The following ARHGAP15 variants were observed in gnomAD, a reference collection of about 807,000 sequenced individuals.
The protein encoded by ARHGAP15 is Rho GTPase activating protein 15.
In ARHGAP15, 51 loss-of-function variants were observed where a neutral mutation model predicts 63.7. The observed-to-expected ratio is 0.80, with a 90% CI of 0.64 to 1.01. The LOEUF is 1.01. Ranked by LOEUF, ARHGAP15 falls within the 50% of genes least tolerant of loss-of-function variation. The probability of loss-of-function intolerance (pLI) is 0.00; values close to 1 mark genes in which losing one functional copy is unlikely to be tolerated. For missense variants in ARHGAP15, 560 were observed against 564.6 expected (o/e 0.99, Z 0.08); for synonymous variants, 191 against 193.8 (o/e 0.99, Z 0.12).
intron 6 of ARHGAP15, among the ~76,000 whole-genome samples, chr2:143,275,640 C>T (rs1377733100): frequency 6.6e-6 from 1 of 152,170 alleles, no homozygotes; most frequent in Admixed American, 6.5e-5. Flanking sequence ...AGGTTACCAA[C>T]CCCAGAGGGA....
chr2:143,138,305 G>T (rs181320336), intron 1 of ARHGAP15, among the ~76,000 whole-genome samples: 1 of 152,024 alleles, frequency 6.6e-6, no homozygotes, highest in Non-Finnish European at 1.5e-5. Flanking sequence ...AATTTACAAA[G>T]CTTCTCGGTA....
chr2:143,242,100 C>T (rs1169611986), intron 5 of ARHGAP15, among the ~76,000 whole-genome samples: 5 of 152,328 alleles, frequency 3.3e-5, no homozygotes, highest in South Asian at 4.1e-4. Context: ...CTGCTTCAGT[C>T]GGACCTGCCT....
chr2:143,285,076 T>C (rs887794122), intron 6 of ARHGAP15, among the ~76,000 whole-genome samples: 8 of 152,196 alleles, frequency 5.3e-5, no homozygotes, highest in South Asian at 2.1e-4. Flanking sequence ...AAGCAATCTT[T>C]GTGACAAGAT....
At chr2:143,179,348 T>C (rs921610665) in intron 2 of ARHGAP15, among the ~76,000 whole-genome samples, 13 of 152,298 alleles carry the variant, frequency 8.5e-5, no homozygotes, top group African/African-American at 2.6e-4. Flanking sequence ...ATATCCACCT[T>C]ATATCCTGCC....
At chr2:143,229,609 C>T (rs914572256) in intron 5 of ARHGAP15, among the ~76,000 whole-genome samples, 6 of 152,120 alleles carry the variant, frequency 3.9e-5, no homozygotes, top group Non-Finnish European at 8.8e-5. Context: ...AACTAACCTG[C>T]CACAGCCCAT....
chr2:143,328,783 C>T (rs1023840704), intron 6 of ARHGAP15, among the ~76,000 whole-genome samples: 12 of 152,066 alleles, frequency 7.9e-5, no homozygotes, highest in African/African-American at 2.9e-4. Flanking sequence ...AACCAGCTGA[C>T]TATAGTCAAC....
intron 6 of ARHGAP15, among the ~76,000 whole-genome samples, chr2:143,420,523 G>C (rs1452068016): frequency 6.6e-6 from 1 of 152,124 alleles, no homozygotes; most frequent in Non-Finnish European, 1.5e-5. Context: ...TTTTGGTGCA[G>C]GAAGGATGAG....
intron 13 of ARHGAP15, among the ~76,000 whole-genome samples, chr2:143,719,462 T>G (rs1402753564): frequency 2.0e-5 from 3 of 152,214 alleles, no homozygotes; most frequent in Non-Finnish European, 2.9e-5. Context: ...CTCAGAAAGA[T>G]TCCATTCTCA....
intron 12 of ARHGAP15, among the ~76,000 whole-genome samples, chr2:143,638,460 A>C (rs1680437604): frequency 8.1e-6 from 1 of 123,530 alleles, no homozygotes; most frequent in South Asian, 2.6e-4. Context: ...ATGAGATCAC[A>C]TGGACACAGG....
intron 6 of ARHGAP15, among the ~76,000 whole-genome samples, chr2:143,275,662 G>A (rs1415952806): frequency 1.3e-5 from 2 of 152,164 alleles, no homozygotes; most frequent in South Asian, 2.1e-4. Flanking sequence ...GATCAAGTGA[G>A]TTCCCAGATT....
intron 8 of ARHGAP15, among the ~76,000 whole-genome samples, chr2:143,449,757 C>T (rs1030242885): frequency 3.3e-5 from 5 of 151,998 alleles, no homozygotes; most frequent in Non-Finnish European, 7.4e-5. Context: ...TGAGATTTCA[C>T]TTACTGGGAA....
chr2:143,579,850 C>G (rs1696822735), intron 11 of ARHGAP15, among the ~76,000 whole-genome samples: 1 of 151,492 alleles, frequency 6.6e-6, no homozygotes, highest in African/African-American at 2.4e-5. Context: ...TCTCCATTAC[C>G]AGCACTGAAA....
At chr2:143,765,998 C>G (rs1166133236) in intron 13 of ARHGAP15, among the ~76,000 whole-genome samples, 3 of 152,196 alleles carry the variant, frequency 2.0e-5, no homozygotes, top group African/African-American at 7.2e-5. Context: ...TTGCTGGCCA[C>G]AGTATGTGCC....
intron 8 of ARHGAP15, among the ~76,000 whole-genome samples, chr2:143,471,164 G>A (rs930227338): frequency 1.4e-5 from 2 of 145,008 alleles, no homozygotes; most frequent in Admixed American, 1.4e-4. Context: ...GATACAGAAA[G>A]AGGATATGAA....
chr2:143,759,671 A>AT (rs1351316653), intron 13 of ARHGAP15, among the ~76,000 whole-genome samples: 5 of 151,956 alleles, frequency 3.3e-5, no homozygotes, highest in Non-Finnish European at 7.4e-5. Context: ...CCACCAGGGT[A>AT]TTGTACCTAC....
chr2:143,222,471 T>A (rs1340596780), intron 4 of ARHGAP15, among the ~76,000 whole-genome samples: 1 of 152,238 alleles, frequency 6.6e-6, no homozygotes, highest in East Asian at 1.9e-4. Flanking sequence ...AAGCTTTTGG[T>A]GTTTAGAGCA....
intron 6 of ARHGAP15, among the ~76,000 whole-genome samples, chr2:143,361,309 T>C (rs1232779404): frequency 6.6e-6 from 1 of 152,212 alleles, no homozygotes; most frequent in Non-Finnish European, 1.5e-5. Flanking sequence ...CACGTGCCAA[T>C]TCTCATGTAG....
intron 6 of ARHGAP15, among the ~76,000 whole-genome samples, chr2:143,413,966 T>TGTGTGTGTGTGTGTGCGCGCGTGCGC: frequency 8.5e-6 from 1 of 117,924 alleles, no homozygotes; most frequent in African/African-American, 3.5e-5. Flanking sequence ...TGTGTGTGTG[T>TGTGTGTGTGTGTGTGCGCGCGTGCGC]GCGCGCTCTC....
chr2:143,504,126 G>A (rs1398655305), intron 9 of ARHGAP15, among the ~76,000 whole-genome samples: 2 of 152,310 alleles, frequency 1.3e-5, no homozygotes, highest in East Asian at 3.9e-4. Flanking sequence ...GGAAAGTCTG[G>A]AGAACAGCCT....
Sources: allele counts gnomAD v4.1 joint callset (sites outside exome capture counted in the v4.1 genomes callset), GRCh38; gene constraint gnomAD v4.1.1; transcripts MANE v1.5; gene names NCBI Gene and HGNC (gene_info 2026-07-23, HGNC 2026-07-21).